The following KCNIP1 variants were observed in gnomAD, a reference collection of about 807,000 sequenced individuals.
KCNIP1 encodes the protein potassium voltage-gated channel interacting protein 1.
Under a neutral mutation model 33.0 loss-of-function variants are expected in KCNIP1, and 18 were observed. That is an observed-to-expected ratio of 0.55 (90% CI 0.38 to 0.81). The LOEUF (loss-of-function observed/expected upper bound fraction) is 0.81. Ranked by LOEUF, KCNIP1 falls within the 30% of genes least tolerant of loss-of-function variation. The probability of loss-of-function intolerance (pLI) is 0.00; values close to 1 mark genes in which losing one functional copy is unlikely to be tolerated. For synonymous variants in KCNIP1, 93 were observed against 98.3 expected (o/e 0.95, Z 0.32); for missense variants, 238 against 271.6 (o/e 0.88, Z 0.87).
intron 1 of KCNIP1, among the ~76,000 whole-genome samples, chr5:170,702,141 C>G (rs1264371135): frequency 6.6e-6 from 1 of 152,240 alleles, no homozygotes. Flanking sequence ...ATTCACAGCT[C>G]CATCCCCACC....
rs56218336 is a variant in KCNIP1, at chr5:170,676,173, GAAGGAAAGGAAAGGA to G, written c.62-42549_62-42535del. Among the ~76,000 whole-genome samples the G allele has an allele frequency of 2.1e-3, 210 of 101,016 alleles. 6 individuals are homozygous for G. Among genetic ancestry groups the G allele is most frequent in the East Asian group, 3.9e-3 (13 of 3,338 alleles). The allele number at this position is 101,016 out of a possible 152,430, so 66.3% of individuals were successfully genotyped here. A position where few individuals can be genotyped will look rare whatever the true frequency, so the allele number is the denominator to read the frequency against. ...AGGGGGAGGTAGGGAGGGAAAGAAGGAAGGAAAGGAAAGGAAAGGAAAGGAAAGGAAAGGAAAGGA... is the reference window on the plus strand; with the variant it reads ...AGGGGGAGGTAGGGAGGGAAAGAAGGAAGGAAAGGAAAGGAAAGGAAAGGA... On this transcript the variant is annotated intron_variant, in intron 1 of 7. Coordinates refer to ENST00000328939, the MANE Select transcript of KCNIP1 (RefSeq NM_014592.4).
At chr5:170,548,127 A>G (rs2113402819) in intron 1 of KCNIP1, among the ~76,000 whole-genome samples, 1 of 152,292 alleles carries the variant, frequency 6.6e-6, no homozygotes. Flanking sequence ...AAAATTTTGA[A>G]CTAATGTATT....
At chr5:170,580,861 C>T (rs1402616010) in intron 1 of KCNIP1, among the ~76,000 whole-genome samples, 1 of 152,112 alleles carries the variant, frequency 6.6e-6, no homozygotes, top group Non-Finnish European at 1.5e-5. Flanking sequence ...CTTTTGAATA[C>T]TCAGAAGTGT....
chr5:170,524,764 G>T (rs1561667429), intron 1 of KCNIP1, among the ~76,000 whole-genome samples: 1 of 152,054 alleles, frequency 6.6e-6, no homozygotes, highest in Admixed American at 6.5e-5. Context: ...GAGAGAGGAG[G>T]GACCTTACCC....
chr5:170,454,691 A>G (rs1054250849), intron 1 of KCNIP1, among the ~76,000 whole-genome samples: 2 of 152,264 alleles, frequency 1.3e-5, no homozygotes, highest in African/African-American at 4.8e-5. Flanking sequence ...AGTTGGAAAT[A>G]TTTCAGAATT....
At chr5:170,581,591 G>T (rs79515466) in intron 1 of KCNIP1, among the ~76,000 whole-genome samples, 171 of 152,354 alleles carry the variant, frequency 1.1e-3, no homozygotes, top group African/African-American at 4.0e-3. Context: ...GGGTTTGGCA[G>T]CCTTGAGCTA....
chr5:170,731,462 G>C (rs1298635446), intron 5 of KCNIP1, among the ~76,000 whole-genome samples: 1 of 152,140 alleles, frequency 6.6e-6, no homozygotes, highest in African/African-American at 2.4e-5. Context: ...CAGCACTTTG[G>C]GAGGCAGAGG....
At chr5:170,481,602 C>A (rs187523161) in intron 1 of KCNIP1, among the ~76,000 whole-genome samples, 1 of 152,250 alleles carries the variant, frequency 6.6e-6, no homozygotes, top group East Asian at 1.9e-4. Flanking sequence ...CCTCACTTTT[C>A]TATAGTTGTA....
At chr5:170,453,890 C>T (rs1756313441) in intron 1 of KCNIP1, among the ~76,000 whole-genome samples, 1 of 152,122 alleles carries the variant, frequency 6.6e-6, no homozygotes, top group Non-Finnish European at 1.5e-5. Context: ...TGCCAACATC[C>T]TGAGTAAGGC....
chr5:170,542,082 G>A (rs796813812), intron 1 of KCNIP1, among the ~76,000 whole-genome samples: 5 of 152,222 alleles, frequency 3.3e-5, no homozygotes, highest in African/African-American at 7.2e-5. Flanking sequence ...CTAGCCATAC[G>A]CCCAAAAGTC....
chr5:170,709,334 T>TATC (rs1763367135), intron 1 of KCNIP1, among the ~76,000 whole-genome samples: 1 of 152,228 alleles, frequency 6.6e-6, no homozygotes, highest in South Asian at 2.1e-4. Context: ...GCTACATTAT[T>TATC]AGTACATATT....
At chr5:170,554,153 T>A (rs1296136468) in intron 1 of KCNIP1, among the ~76,000 whole-genome samples, 1 of 152,124 alleles carries the variant, frequency 6.6e-6, no homozygotes, top group Non-Finnish European at 1.5e-5. Flanking sequence ...TTTAATTTTT[T>A]AAAAATCGTG....
chr5:170,556,093 G>A (rs1756836897), intron 1 of KCNIP1, among the ~76,000 whole-genome samples: 1 of 152,308 alleles, frequency 6.6e-6, no homozygotes, highest in Admixed American at 6.5e-5. Flanking sequence ...CGAGGCACGG[G>A]ATTATGCACA....
intron 1 of KCNIP1, among the ~76,000 whole-genome samples, chr5:170,451,831 T>TGGAA (rs917786401): frequency 2.0e-5 from 3 of 151,008 alleles, no homozygotes; most frequent in Non-Finnish European, 2.9e-5. Context: ...ATGTCTCATC[T>TGGAA]GGAAAGAGAT....
chr5:170,370,831 G>A (rs1763823950), intron 1 of KCNIP1, among the ~76,000 whole-genome samples: 1 of 152,172 alleles, frequency 6.6e-6, no homozygotes, highest in Admixed American at 6.5e-5. Flanking sequence ...TTTCAATTCA[G>A]AAGGGTTGGA....
chr5:170,732,158 C>G (rs1302386115), intron 5 of KCNIP1, among the ~76,000 whole-genome samples: 1 of 152,190 alleles, frequency 6.6e-6, no homozygotes, highest in African/African-American at 2.4e-5. Flanking sequence ...CCCTGGGTCT[C>G]TGTAGAAACC....
intron 1 of KCNIP1, among the ~76,000 whole-genome samples, chr5:170,577,918 C>T (rs1349814408): frequency 6.6e-6 from 1 of 152,150 alleles, no homozygotes; most frequent in Non-Finnish European, 1.5e-5. Flanking sequence ...TAATCAATCA[C>T]CTCTTGATGG....
At chr5:170,390,516 AAAT>A (rs1561601403) in intron 1 of KCNIP1, among the ~76,000 whole-genome samples, 22 of 39,164 alleles carry the variant, frequency 5.6e-4, no homozygotes, top group Admixed American at 1.5e-3. Context: ...AAAAAAAAAC[AAAT>A]ATATATATAT....
At chr5:170,676,875 A>G (rs988032926) in intron 1 of KCNIP1, among the ~76,000 whole-genome samples, 5 of 152,228 alleles carry the variant, frequency 3.3e-5, no homozygotes, top group Non-Finnish European at 7.3e-5. Context: ...CCAATACTCA[A>G]GTGAAGTTTA....
Sources: allele counts gnomAD v4.1 joint callset (sites outside exome capture counted in the v4.1 genomes callset), GRCh38; gene constraint gnomAD v4.1.1; transcripts MANE v1.5; gene names NCBI Gene and HGNC (gene_info 2026-07-23, HGNC 2026-07-21).